Variants in ANTXR2 observed in about 807,000 individuals in gnomAD.
The protein encoded by ANTXR2 is anthrax toxin receptor 2.
A neutral mutation model predicts 73.7 loss-of-function variants in ANTXR2; 44 were observed. The observed-to-expected ratio is 0.60, with a 90% CI of 0.47 to 0.77. The LOEUF (loss-of-function observed/expected upper bound fraction) is 0.77, where lower values mean the gene tolerates loss of function less well. ANTXR2 is among the 30% of genes least tolerant of loss of function. The pLI, the probability that ANTXR2 is intolerant of heterozygous loss-of-function variation, is 0.00. For synonymous variants in ANTXR2, 217 were observed against 205.9 expected, an observed-to-expected ratio of 1.05 and a Z score of -0.46; for missense variants, 604 against 592.5, an observed-to-expected ratio of 1.02 and a Z score of -0.20.
intron 2 of ANTXR2, among the ~76,000 whole-genome samples, chr4:80,070,496 T>A (rs1734737517): frequency 6.6e-6 from 1 of 152,230 alleles, no homozygotes; most frequent in Admixed American, 6.5e-5. Context: ...CTGTTCTGCC[T>A]TTGACATTTA....
intron 7 of ANTXR2, among the ~76,000 whole-genome samples, chr4:80,047,431 G>C (rs917962869): frequency 6.6e-6 from 1 of 151,604 alleles, no homozygotes; most frequent in East Asian, 1.9e-4. Flanking sequence ...CATCACTACT[G>C]ATTTTTTTGT....
At chr4:79,931,197 A>C (rs972414507) in intron 16 of ANTXR2, among the ~76,000 whole-genome samples, 14 of 152,212 alleles carry the variant, frequency 9.2e-5, no homozygotes. Context: ...CAAACTTGAA[A>C]ATCTTGCAAA....
intron 11 of ANTXR2, among the ~76,000 whole-genome samples, chr4:80,008,950 G>A (rs746492974): frequency 1.2e-4 from 19 of 152,044 alleles, no homozygotes; most frequent in Non-Finnish European, 2.8e-4. Context: ...GGATTATTTT[G>A]GTTCAAAGCA....
At position 79,977,702 on chromosome 4, in the gene ANTXR2, C is replaced by T; in HGVS notation, c.1348-1G>A. The T allele has an allele frequency of 6.4e-7, 1 of 1,569,516 alleles. No individual in the cohort carries two copies. The highest frequency in any genetic ancestry group is 8.6e-7 in the Non-Finnish European group (1 of 1,156,934). On this transcript the variant is annotated splice_acceptor_variant, in intron 15 of 16. Coordinates refer to ENST00000403729, the MANE Select transcript of ANTXR2 (RefSeq NM_058172.6). LOFTEE classifies it high-confidence loss of function. ...AAGCCCAGAGAGCATCAAGACGACC[C>T]TAAGGGAAAATGAGATTTGTGAATT... is the stretch of plus-strand genomic sequence containing the variant.
chr4:80,040,117 T>C (rs1262557130), intron 7 of ANTXR2, among the ~76,000 whole-genome samples: 1 of 150,542 alleles, frequency 6.6e-6, no homozygotes, highest in Non-Finnish European at 1.5e-5. Context: ...GACTACTAGA[T>C]AGGGGAGGAA....
intron 3 of ANTXR2, among the ~76,000 whole-genome samples, chr4:80,060,388 A>G (rs930714037): frequency 6.6e-6 from 1 of 152,158 alleles, no homozygotes; most frequent in Non-Finnish European, 1.5e-5. Flanking sequence ...ACCTAATTTT[A>G]AAACTTTCTT....
intron 16 of ANTXR2, among the ~76,000 whole-genome samples, chr4:79,963,448 C>A (rs1055459715): frequency 2.0e-5 from 3 of 152,000 alleles, no homozygotes; most frequent in African/African-American, 7.3e-5. Context: ...AAGCAATCGC[C>A]GTCAATCATT....
chr4:79,920,464 A>G (rs1016911057), intron 16 of ANTXR2, among the ~76,000 whole-genome samples: 1 of 152,114 alleles, frequency 6.6e-6, no homozygotes. Flanking sequence ...CTATGCCAAA[A>G]TTAAAAGGCA....
At chr4:79,913,018 A>ATT (rs1312306772) in intron 16 of ANTXR2, among the ~76,000 whole-genome samples, 1 of 152,194 alleles carries the variant, frequency 6.6e-6, no homozygotes, top group Non-Finnish European at 1.5e-5. Flanking sequence ...CTTAAAAGGT[A>ATT]ACATTAGTTT....
intron 7 of ANTXR2, among the ~76,000 whole-genome samples, chr4:80,044,136 T>G (rs903410761): frequency 6.6e-6 from 1 of 151,936 alleles, no homozygotes; most frequent in Admixed American, 6.6e-5. Context: ...TTTACAACTA[T>G]TGAATAATAA....
At chr4:80,052,542 C>T (rs890824860) in intron 7 of ANTXR2, among the ~76,000 whole-genome samples, 3 of 151,630 alleles carry the variant, frequency 2.0e-5, no homozygotes, top group Non-Finnish European at 4.4e-5. Context: ...TACGATGTTT[C>T]CCCAAAAGGT....
intron 7 of ANTXR2, among the ~76,000 whole-genome samples, chr4:80,037,247 CT>C (rs1733021395): frequency 6.6e-6 from 1 of 152,146 alleles, no homozygotes; most frequent in African/African-American, 2.4e-5. Flanking sequence ...CTAGCATCTC[CT>C]TTTCATAACT....
intron 10 of ANTXR2, chr4:80,024,606 C>A (rs1280053685): frequency 2.6e-6 from 1 of 378,486 alleles, no homozygotes; most frequent in African/African-American, 2.1e-5. Flanking sequence ...ACAAAATGTA[C>A]AGAAAATTAG....
chr4:79,945,393 A>C (rs1180067615), intron 16 of ANTXR2, among the ~76,000 whole-genome samples: 4 of 152,246 alleles, frequency 2.6e-5, no homozygotes, highest in Non-Finnish European at 4.4e-5. Context: ...TTTTATTAGA[A>C]GAAATTCACT....
intron 16 of ANTXR2, among the ~76,000 whole-genome samples, chr4:79,918,937 T>C (rs1044162536): frequency 6.6e-6 from 1 of 152,144 alleles, no homozygotes; most frequent in Admixed American, 6.6e-5. Context: ...ACCACTGCAA[T>C]GTTCGCATAT....
chr4:80,034,144 T>C (rs2110085217), intron 8 of ANTXR2, among the ~76,000 whole-genome samples: 1 of 152,208 alleles, frequency 6.6e-6, no homozygotes, highest in Admixed American at 6.6e-5. Context: ...GTATTTTGAA[T>C]TACTAATAAT....
intron 16 of ANTXR2, among the ~76,000 whole-genome samples, chr4:79,929,891 C>A (rs1252470285): frequency 2.0e-5 from 3 of 152,106 alleles, no homozygotes; most frequent in Non-Finnish European, 4.4e-5. Flanking sequence ...TCTTTTTATA[C>A]CCCAAGTGCT....
intron 10 of ANTXR2, among the ~76,000 whole-genome samples, chr4:80,031,077 C>A (rs1732667921): frequency 6.6e-6 from 1 of 151,812 alleles, no homozygotes; most frequent in Admixed American, 6.6e-5. Flanking sequence ...TTTGGCCACA[C>A]AAAAGAAGAT....
At chr4:79,962,068 C>T (rs1203744848) in intron 16 of ANTXR2, among the ~76,000 whole-genome samples, 1 of 152,098 alleles carries the variant, frequency 6.6e-6, no homozygotes, top group Non-Finnish European at 1.5e-5. Context: ...CTGCATTTCA[C>T]TTCAGGAAAC....
Sources: allele counts gnomAD v4.1 joint callset (sites outside exome capture counted in the v4.1 genomes callset), GRCh38; gene constraint gnomAD v4.1.1; transcripts MANE v1.5; gene names NCBI Gene and HGNC (gene_info 2026-07-23, HGNC 2026-07-21).